Variants in POLB observed in about 807,000 individuals in gnomAD.
POLB encodes the protein DNA polymerase beta.
Under a neutral mutation model 52.7 loss-of-function variants are expected in POLB, and 37 were observed. That is an observed-to-expected ratio of 0.70 (90% confidence interval 0.54 to 0.92). The LOEUF is 0.92. Ranked by LOEUF, POLB falls within the 40% of genes least tolerant of loss-of-function variation. The probability of loss-of-function intolerance (pLI) is 0.00; values close to 1 mark genes in which losing one functional copy is unlikely to be tolerated. For missense variants in POLB, 313 were observed against 400.8 expected, an observed-to-expected ratio of 0.78 and a Z score of 1.87; for synonymous variants, 138 against 131.3, an observed-to-expected ratio of 1.05 and a Z score of -0.35.
chr8:42,352,806 C>T (rs146071370), intron 6 of POLB, among the ~76,000 whole-genome samples: 6 of 152,160 alleles, frequency 3.9e-5, no homozygotes, highest in Non-Finnish European at 7.4e-5. Context: ...CAGGGCCAGG[C>T]GCGGTGCCTC....
intron 11 of POLB, among the ~76,000 whole-genome samples, chr8:42,365,584 C>T (rs1176633495): frequency 6.6e-6 from 1 of 152,184 alleles, no homozygotes; most frequent in East Asian, 1.9e-4. Context: ...TTTTGGGGAC[C>T]TCTCTGGCCT....
chr8:42,367,610 T>C (rs1824124970), intron 11 of POLB, among the ~76,000 whole-genome samples: 1 of 152,234 alleles, frequency 6.6e-6, no homozygotes, highest in African/African-American at 2.4e-5. Context: ...CTCTTCTTGC[T>C]ATCACCACTT....
At chr8:42,353,919 G>A (rs1339565825) in intron 6 of POLB, among the ~76,000 whole-genome samples, 1 of 152,280 alleles carries the variant, frequency 6.6e-6, no homozygotes, top group African/African-American at 2.4e-5. Flanking sequence ...CTCTTATGAG[G>A]CATGATTAGT....
intron 2 of POLB, among the ~76,000 whole-genome samples, chr8:42,344,321 T>G (rs1822459657): frequency 6.7e-6 from 1 of 149,414 alleles, no homozygotes. Context: ...TGCAAAAAAT[T>G]AGCCAGGCAT....
intron 9 of POLB, 106 bp downstream of exon 9, chr8:42,357,498 C>T: frequency 1.5e-6 from 1 of 671,820 alleles, no homozygotes; most frequent in Non-Finnish European, 2.7e-6. Context: ...ACTTCATAGA[C>T]TCACTAAGAC....
chr8:42,370,148 C>G (rs1824286375), intron 13 of POLB, 160 bp downstream of exon 13: 1 of 688,288 alleles, frequency 1.5e-6, no homozygotes, highest in East Asian at 2.8e-5. Flanking sequence ...TAATGCATAA[C>G]ATGCTCCTAG....
chr8:42,349,129 C>A, intron 4 of POLB, 39 bp downstream of exon 4: 1 of 1,156,218 alleles, frequency 8.6e-7, no homozygotes, highest in Non-Finnish European at 1.3e-6. Context: ...ATTATAGTAT[C>A]TGCCTTTATG....
intron 5 of POLB, among the ~76,000 whole-genome samples, chr8:42,351,311 GCCTT>G (rs1822967618): frequency 6.6e-6 from 1 of 152,128 alleles, no homozygotes; most frequent in Non-Finnish European, 1.5e-5. Context: ...ATGCTGCATT[GCCTT>G]CCTAACATCA....
chr8:42,349,930 C>G, intron 4 of POLB, 77 bp from the exon 5 acceptor site: 3 of 976,148 alleles, frequency 3.1e-6, no homozygotes, highest in Middle Eastern at 4.5e-4. Context: ...TTTTAGCAGA[C>G]TGGTATGTTT....
At chr8:42,371,144 A>G (rs1045876074) in intron 13 of POLB, among the ~76,000 whole-genome samples, 3 of 152,044 alleles carry the variant, frequency 2.0e-5, no homozygotes, top group African/African-American at 4.8e-5. Flanking sequence ...TTTTTTTGAA[A>G]TGGAGTTTCG....
intron 13 of POLB, 147 bp from the exon 14 acceptor site, chr8:42,371,416 T>C: frequency 2.4e-6 from 1 of 422,448 alleles, no homozygotes; most frequent in South Asian, 3.7e-5. Context: ...AGCTACCACA[T>C]CCGCCGGTCT....
At chr8:42,363,329 C>G (rs550696007) in intron 11 of POLB, among the ~76,000 whole-genome samples, 4 of 151,630 alleles carry the variant, frequency 2.6e-5, no homozygotes, top group Non-Finnish European at 1.5e-5. Flanking sequence ...GTGATCAAGA[C>G]CATCCTGGCC....
chr8:42,349,365 C>T (rs1433092447), intron 4 of POLB: 5 of 255,942 alleles, frequency 2.0e-5, no homozygotes, highest in Non-Finnish European at 2.9e-5. Flanking sequence ...ACTGAAAGAT[C>T]GTTATCTTTT....
chr8:42,357,418 A>C (rs750695789), intron 9 of POLB, 26 bp downstream of exon 9: 4 of 1,272,974 alleles, frequency 3.1e-6, no homozygotes, highest in Non-Finnish European at 4.5e-6. Flanking sequence ...ATCTTGGGTT[A>C]TTTTTGCCCT....
At chr8:42,357,474 A>G in intron 9 of POLB, 82 bp downstream of exon 9, 2 of 783,424 alleles carry the variant, frequency 2.6e-6, no homozygotes, top group Non-Finnish European at 4.5e-6. Flanking sequence ...GATTAAAAAG[A>G]TGTAATTTGT....
intron 3 of POLB, among the ~76,000 whole-genome samples, chr8:42,348,603 GC>G (rs1469414990): frequency 6.6e-6 from 1 of 152,030 alleles, no homozygotes; most frequent in East Asian, 1.9e-4. Flanking sequence ...TTTAAGAAGT[GC>G]CCCCATGTGA....
At chr8:42,355,301 G>A (rs940726503) in intron 6 of POLB, among the ~76,000 whole-genome samples, 2 of 152,066 alleles carry the variant, frequency 1.3e-5, no homozygotes, top group African/African-American at 4.8e-5. Context: ...GCCTCCCAAA[G>A]TGCTGGGATT....
chr8:42,349,117 T>C (rs1822807673), intron 4 of POLB, 27 bp downstream of exon 4: 1 of 1,309,208 alleles, frequency 7.6e-7, no homozygotes, highest in Non-Finnish European at 1.1e-6. Flanking sequence ...TTTACTTCAT[T>C]AATTATAGTA....
chr8:42,358,010 C>G (rs1823433314), intron 9 of POLB: 1 of 151,994 alleles, frequency 6.6e-6, no homozygotes, highest in South Asian at 2.1e-4. Context: ...CAGGCGTGAG[C>G]CACTGTGCCC....
Sources: allele counts gnomAD v4.1 joint callset (sites outside exome capture counted in the v4.1 genomes callset), GRCh38; gene constraint gnomAD v4.1.1; transcripts MANE v1.5; gene names NCBI Gene and HGNC (gene_info 2026-07-23, HGNC 2026-07-21).